The following PCDHA2 variants were observed in gnomAD, a reference collection of about 807,000 sequenced individuals.
The protein encoded by PCDHA2 is protocadherin alpha-2.
In PCDHA2, 58 loss-of-function variants were observed where a neutral mutation model predicts 66.0. The observed-to-expected ratio is 0.88, with a 90% CI of 0.71 to 1.09. The LOEUF is 1.09. PCDHA2 is among the 50% of genes least tolerant of loss of function. The probability of loss-of-function intolerance (pLI) is 0.00; values close to 1 mark genes in which losing one functional copy is unlikely to be tolerated. For missense variants in PCDHA2, 1,267 were observed against 1,242.3 expected (o/e 1.02, Z -0.30); for synonymous variants, 634 against 554.0 (o/e 1.14, Z -2.03).
intron 1 of PCDHA2, among the ~76,000 whole-genome samples, chr5:140,913,389 C>T (rs1427012396): frequency 6.6e-6 from 1 of 152,122 alleles, no homozygotes; most frequent in Admixed American, 6.5e-5. Flanking sequence ...CTCATCATAG[C>T]CACTAATGAT....
At chr5:140,916,755 G>C (rs781862005) in intron 1 of PCDHA2, among the ~76,000 whole-genome samples, 15 of 152,208 alleles carry the variant, frequency 9.9e-5, no homozygotes, top group Admixed American at 2.0e-4. Flanking sequence ...CTGGGATTAG[G>C]GGAGGGGTGG....
At chr5:140,828,654 A>G (rs1769871452) in intron 1 of PCDHA2, 1 of 1,614,224 alleles carries the variant, frequency 6.2e-7, no homozygotes, top group South Asian at 1.1e-5. Flanking sequence ...AACAGTGATG[A>G]CAATAAACAA....
At chr5:140,835,774 T>C in intron 1 of PCDHA2, 3 of 1,613,040 alleles carry the variant, frequency 1.9e-6, no homozygotes, top group Non-Finnish European at 2.5e-6. Context: ...ACGGTGTTCG[T>C]GAAGGAGAAC....
At position 141,010,400 on chromosome 5, in the gene PCDHA2, T is replaced by C. The variant is rs145123720; in HGVS notation, c.*463T>C. 379 of 1,297,746 alleles carry C rather than the reference T, an allele frequency of 2.9e-4. No individual in the cohort carries two copies. Among genetic ancestry groups the C allele is most frequent in the Non-Finnish European group, 3.8e-4 (370 of 966,092 alleles). 80.4% of individuals were successfully genotyped at this position (1,297,746 alleles called of 1,614,324 possible). ...CAGATATTGGCTGAGACGAGCCAGC[T>C]TAGACTAATTGGTACAAGGAAGGCA... On this transcript the variant is annotated 3_prime_UTR_variant, in exon 4 of 4. Transcript: ENST00000526136.
chr5:140,862,649 C>T, intron 1 of PCDHA2: 1 of 543,104 alleles, frequency 1.8e-6, no homozygotes, highest in East Asian at 5.0e-5. Context: ...ACAGTGTCCG[C>T]GCGGGACCGG....
chr5:140,822,130 G>C (rs2150113866), intron 1 of PCDHA2: 2 of 1,614,268 alleles, frequency 1.2e-6, no homozygotes, highest in South Asian at 2.2e-5. Context: ...TTTCCATGTG[G>C]AGGTGGCAGT....
intron 1 of PCDHA2, among the ~76,000 whole-genome samples, chr5:140,923,301 G>C (rs1554201374): frequency 6.6e-6 from 1 of 152,206 alleles, no homozygotes; most frequent in African/African-American, 2.4e-5. Context: ...AGCTGGGCGT[G>C]GGGGCGCTTG....
At chr5:140,990,284 T>C (rs2097384646) in intron 3 of PCDHA2, among the ~76,000 whole-genome samples, 1 of 152,142 alleles carries the variant, frequency 6.6e-6, no homozygotes, top group African/African-American at 2.4e-5. Flanking sequence ...GGTCTTGAGA[T>C]TATCGATGCC....
At position 140,795,873 on chromosome 5, in the gene PCDHA2, A is replaced by G; in HGVS notation, c.909A>G (p.Arg303=). 1.2e-6 allele frequency: 2 copies of G among 1,614,044 alleles called. No homozygotes were observed. The highest frequency in any genetic ancestry group is 2.2e-5 in the South Asian group (2 of 91,074). The stretch of plus-strand genomic sequence containing the variant: ...TAGATCCCATCTCAGGGGAAATCAG[A>G]ACTAAGGGAAAATTAGATTATGAAG... ...FTIDPISGEI[R]TKGKLDYEEA... The change falls in exon 1 of 4, where the codon AGA becomes AGG. Residue 303 remains arginine, a synonymous_variant. Coordinates refer to ENST00000526136, the MANE Select transcript of PCDHA2 (RefSeq NM_018905.3).
chr5:140,871,371 G>A (rs948553844), intron 1 of PCDHA2: 1 of 1,614,202 alleles, frequency 6.2e-7, no homozygotes, highest in Non-Finnish European at 8.5e-7. Context: ...GGCGGCAGAG[G>A]GTGTGCTCTG....
intron 1 of PCDHA2, chr5:140,884,143 G>A: frequency 6.2e-7 from 1 of 1,613,438 alleles, no homozygotes; most frequent in Non-Finnish European, 8.5e-7. Context: ...TCCGCGTGGG[G>A]CTGTACACTG....
intron 1 of PCDHA2, among the ~76,000 whole-genome samples, chr5:140,915,396 C>T (rs1554196881): frequency 6.6e-6 from 1 of 152,116 alleles, no homozygotes; most frequent in African/African-American, 2.4e-5. Context: ...CTAGGTATTT[C>T]TTATAGTCTT....
chr5:140,988,411 A>G (rs2097296392), intron 3 of PCDHA2, among the ~76,000 whole-genome samples: 1 of 152,144 alleles, frequency 6.6e-6, no homozygotes, highest in South Asian at 2.1e-4. Context: ...TTCGCAGCTT[A>G]TGTAAAGAAT....
At chr5:140,850,475 G>A (rs372827076) in intron 1 of PCDHA2, 1 of 1,598,006 alleles carries the variant, frequency 6.3e-7, no homozygotes, top group Middle Eastern at 1.7e-4. Flanking sequence ...CAGCGCTGAC[G>A]GCCACGGCCA....
chr5:140,902,207 T>C (rs949937318), intron 1 of PCDHA2, among the ~76,000 whole-genome samples: 8 of 148,564 alleles, frequency 5.4e-5, no homozygotes, highest in South Asian at 4.3e-4. Flanking sequence ...CTCTTTCTTT[T>C]TTTTTTTTTT....
At chr5:140,877,845 TTATTAA>T in intron 1 of PCDHA2, 3 of 1,555,618 alleles carry the variant, frequency 1.9e-6, no homozygotes, top group Non-Finnish European at 2.6e-6. Context: ...GTGAAGTAAG[TTATTAA>T]TATTATTTAG....
At position 140,796,533 on chromosome 5, in the gene PCDHA2, G is replaced by A; in HGVS notation, c.1569G>A (p.Leu523=). ...GCAAGGTGTACGCGCTGCAGCCGCTGGACCACGAGGAAGTGGAGCTGCTGC... is the reference window on the plus strand; with the variant it reads ...GCAAGGTGTACGCGCTGCAGCCGCTAGACCACGAGGAAGTGGAGCTGCTGC... ...ESGKVYALQP[L]DHEEVELLQF... is the part of the protein sequence containing the mutation. The change falls in exon 1 of 4, where the codon CTG becomes CTA. Residue 523 remains leucine, a synonymous_variant. Transcript: ENST00000526136. The A allele has an allele frequency of 6.2e-7, 1 of 1,612,766 alleles. No homozygotes were observed. The highest frequency in any genetic ancestry group is 8.5e-7 in the Non-Finnish European group (1 of 1,179,850).
At chr5:140,850,446 G>A (rs2150484747) in intron 1 of PCDHA2, 1 of 1,598,030 alleles carries the variant, frequency 6.3e-7, no homozygotes, top group Non-Finnish European at 8.6e-7. Context: ...ACTGGTGCTG[G>A]TGAAAGACCA....
At chr5:140,803,231 C>T (rs782637283) in intron 1 of PCDHA2, 1 of 1,613,844 alleles carries the variant, frequency 6.2e-7, no homozygotes, top group Admixed American at 1.7e-5. Flanking sequence ...CACCCAAGGC[C>T]TCGTCCCAGG....
Sources: gnomAD v4.1 joint callset for allele counts (sites outside exome capture counted in the v4.1 genomes callset) on GRCh38, gnomAD v4.1.1 for gene constraint, MANE v1.5 for transcripts, NCBI Gene and HGNC (gene_info 2026-07-23, HGNC 2026-07-21) for gene names.